SPMIP1: variants seen among roughly 807,000 people sequenced by gnomAD.
SPMIP1 encodes sperm microtubule inner protein 1.
chr7:128,866,555 T>C, the SPMIP1 span: 1 of 1,535,890 alleles, frequency 6.5e-7, no homozygotes, highest in South Asian at 1.2e-5. Flanking sequence ...GCAGCCCGCC[T>C]GCCCCTCAAA....
At chr7:128,869,134 C>G in the SPMIP1 span, 2 of 377,014 alleles carry the variant, frequency 5.3e-6, no homozygotes, top group Non-Finnish European at 9.4e-6. Context: ...CTCCTGCCAC[C>G]GCCACACCCC....
At chr7:128,870,347 C>G in the SPMIP1 span, 13 of 152,584 alleles carry the variant, frequency 8.5e-5, no homozygotes, top group African/African-American at 3.1e-4. Flanking sequence ...ACTCGCCTTT[C>G]CCTGGCACTT....
At chr7:128,870,150 G>A in the SPMIP1 span, 1 of 152,280 alleles carries the variant, frequency 6.6e-6, no homozygotes, top group Non-Finnish European at 1.5e-5. Context: ...CTTCTCCGGA[G>A]GTTTGGGCTC....
At chr7:128,866,397 T>C in the SPMIP1 span, 81 of 1,506,244 alleles carry the variant, frequency 5.4e-5, 1 homozygote, top group South Asian at 1.0e-3. Context: ...GTGCCACTCC[T>C]TCCCTGGCCA....
chr7:128,866,724 C>T, the SPMIP1 span: 16 of 1,535,932 alleles, frequency 1.0e-5, no homozygotes, highest in African/African-American at 2.7e-5. Flanking sequence ...GCATCTCCCA[C>T]GACTTCCAGG....
At chr7:128,870,089 G>A in the SPMIP1 span, 1 of 152,304 alleles carries the variant, frequency 6.6e-6, no homozygotes, top group Non-Finnish European at 1.5e-5. Context: ...CACCGCCGGT[G>A]CCGACCTTTG....
chr7:128,871,754 CAAAG>C, the SPMIP1 span: 1 of 152,186 alleles, frequency 6.6e-6, no homozygotes, highest in African/African-American at 2.4e-5. Context: ...ACGCATCTTT[CAAAG>C]AGTTTTTTAA....
At chr7:128,866,427 C>T in the SPMIP1 span, 1 of 1,529,256 alleles carries the variant, frequency 6.5e-7, no homozygotes, top group South Asian at 1.2e-5. Flanking sequence ...GGCAGCTCAA[C>T]ATAGACGCGT....
the SPMIP1 span, chr7:128,866,596 T>G: frequency 8.1e-7 from 1 of 1,240,110 alleles, no homozygotes; most frequent in Non-Finnish European, 1.1e-6. Context: ...AGCCCCACTC[T>G]CACCCCCACC....
chr7:128,868,657 T>G, the SPMIP1 span: 1 of 1,522,996 alleles, frequency 6.6e-7, no homozygotes, highest in Non-Finnish European at 8.8e-7. Flanking sequence ...CTCTGACATC[T>G]TTTCCCAGGC....
chr7:128,869,936 A>C, the SPMIP1 span: 1 of 148,940 alleles, frequency 6.7e-6, no homozygotes, highest in East Asian at 2.1e-4. Context: ...AGCCCCGAGG[A>C]GCCCCTGCTG....
At chr7:128,868,765 T>C in the SPMIP1 span, 1 of 1,533,888 alleles carries the variant, frequency 6.5e-7, no homozygotes. Context: ...CCCCGAGACC[T>C]GGCCCTCTGA....
chr7:128,867,984 C>T, the SPMIP1 span, among the ~76,000 whole-genome samples: 1 of 152,296 alleles, frequency 6.6e-6, no homozygotes, highest in South Asian at 2.1e-4. Flanking sequence ...TGGCAGGAAG[C>T]CTGTCCATCT....
At chr7:128,868,360 G>T in the SPMIP1 span, among the ~76,000 whole-genome samples, 1 of 152,234 alleles carries the variant, frequency 6.6e-6, no homozygotes, top group Non-Finnish European at 1.5e-5. Flanking sequence ...GGGAGCAGGA[G>T]GCCGAAGGAA....
chr7:128,868,363 C>G, the SPMIP1 span, among the ~76,000 whole-genome samples: 5 of 152,206 alleles, frequency 3.3e-5, no homozygotes, highest in Non-Finnish European at 7.3e-5. Flanking sequence ...AGCAGGAGGC[C>G]GAAGGAAATC....
the SPMIP1 span, chr7:128,869,114 G>A: frequency 2.6e-6 from 1 of 390,910 alleles, no homozygotes; most frequent in Non-Finnish European, 4.5e-6. Context: ...CGGAGGCCAG[G>A]GAAAGGGGCC....
At chr7:128,870,970 A>C in the SPMIP1 span, 1 of 151,922 alleles carries the variant, frequency 6.6e-6, no homozygotes, top group Non-Finnish European at 1.5e-5. Context: ...GCACCCCAAA[A>C]CTCCTCCTGG....
At chr7:128,866,615 A>G in the SPMIP1 span, 2 of 1,439,748 alleles carry the variant, frequency 1.4e-6, no homozygotes, top group Middle Eastern at 1.8e-4. Flanking sequence ...CCCGCCCCCA[A>G]GTCAGCCCCT....
At chr7:128,870,064 G>C in the SPMIP1 span, 1 of 152,244 alleles carries the variant, frequency 6.6e-6, no homozygotes, top group Non-Finnish European at 1.5e-5. Context: ...CCTCCCGGGC[G>C]GCCCCCAGCT....
Sources: gnomAD v4.1 joint callset for allele counts (sites outside exome capture counted in the v4.1 genomes callset) on GRCh38, gnomAD v4.1.1 for gene constraint, MANE v1.5 for transcripts, NCBI Gene and HGNC (gene_info 2026-07-23, HGNC 2026-07-21) for gene names.